The following SREK1 variants were observed in gnomAD, a reference collection of about 807,000 sequenced individuals.
The protein encoded by SREK1 is splicing regulatory glutamine/lysine-rich protein 1.
SREK1 carries 13 observed loss-of-function variants against 66.5 expected under a neutral mutation model. The observed-to-expected ratio is 0.20, with a 90% confidence interval of 0.13 to 0.31. The LOEUF is 0.31. Ranked by LOEUF, SREK1 falls within the 10% of genes least tolerant of loss-of-function variation. The pLI, the probability that SREK1 is intolerant of heterozygous loss-of-function variation, is 1.00. For missense variants in SREK1, 607 were observed against 769.6 expected, an observed-to-expected ratio of 0.79 and a Z score of 2.50; for synonymous variants, 265 against 263.5, an observed-to-expected ratio of 1.01 and a Z score of -0.05.
Position 66,170,856 on chromosome 5 carries a change from A to G in SREK1, c.1393A>G (p.Lys465Glu). ...KEKEREKDRS[K>E]EIDEKRKKDK... ...AAAGGAACGAGAAAAAGACAGATCC[A>G]AAGAGATAGATGAAAAAAGAAAGAA... The change falls in exon 9 of 12, where the codon AAA becomes GAA. Residue 465 changes from lysine to glutamate, a missense_variant. Physicochemically the swap from Lys to Glu is moderately conservative, Grantham distance 56 (BLOSUM62 1). Around this residue, in one of 5 missense-constraint regions of SREK1, gnomAD observed 318 missense variants for 310.3 expected, o/e 1.02. Transcript: ENST00000334121. 1.2e-6 allele frequency: 2 copies of G among 1,613,946 alleles called. No homozygotes were observed. The highest frequency in any genetic ancestry group is 1.7e-6 in the Non-Finnish European group (2 of 1,179,962).
At chr5:66,152,308 G>A (rs148399270) in intron 1 of SREK1, among the ~76,000 whole-genome samples, 14 of 152,248 alleles carry the variant, frequency 9.2e-5, no homozygotes, top group East Asian at 1.9e-4. Context: ...GTTATTCTAC[G>A]TTGTTTAAAG....
At position 66,179,795 on chromosome 5, in the gene SREK1, T is replaced by C. The variant is rs1366159292; in HGVS notation, c.*927T>C. On this transcript the variant is annotated 3_prime_UTR_variant, in exon 12 of 12. Transcript: ENST00000334121. ...ATGTGGTATACTGTTTTCTAGAATT[T>C]TATATGTGCTAGTCATTCTCAATTC... 2 of 152,504 alleles carry C rather than the reference T, an allele frequency of 1.3e-5. No individual in the cohort carries two copies. Among genetic ancestry groups the C allele is most frequent in the African/African-American group, 2.4e-5 (1 of 41,430 alleles). The allele number at this position is 152,504 out of a possible 1,614,324, so 9.4% of individuals were successfully genotyped here. A position where few individuals can be genotyped will look rare whatever the true frequency, so the allele number is the denominator to read the frequency against.
At chr5:66,155,656 A>G (rs879836151) in intron 2 of SREK1, among the ~76,000 whole-genome samples, 2 of 152,260 alleles carry the variant, frequency 1.3e-5, no homozygotes, top group Non-Finnish European at 2.9e-5. Flanking sequence ...GCATCATGAC[A>G]TAAGTGAGAA....
chr5:66,161,825 A>C (rs1744798037), intron 3 of SREK1, among the ~76,000 whole-genome samples: 1 of 152,228 alleles, frequency 6.6e-6, no homozygotes, highest in Non-Finnish European at 1.5e-5. Flanking sequence ...GTTCACGGAA[A>C]CTATAGAACA....
chr5:66,176,542 T>TAA, intron 10 of SREK1, among the ~76,000 whole-genome samples: 1 of 152,260 alleles, frequency 6.6e-6, no homozygotes, highest in East Asian at 1.9e-4. Flanking sequence ...GGTTTATTAA[T>TAA]AAAGATTCAT....
Position 66,170,055 on chromosome 5 carries a change from A to G in SREK1, c.1006A>G (p.Arg336Gly), listed in dbSNP as rs767710599. ...RKRSQSKHRS[R>G]SHNRSRSRQK... ...CTAACAATTTTTTTTCTTTAGGAGT[A>G]GATCCCATAATAGATCACGTTCAAG... The change falls in exon 8 of 12, where the codon AGA (arginine) becomes GGA (glycine). Residue 336 changes from arginine (R) to glycine (G), a missense_variant. By Grantham distance (125) the Arg-to-Gly change is moderately radical. Coordinates refer to ENST00000334121, the MANE Select transcript of SREK1 (RefSeq NM_001077199.3). 7 of 1,564,064 alleles carry G rather than the reference A, an allele frequency of 4.5e-6. No individual in the cohort carries two copies. The South Asian group carries it at 8.8e-5, about 20-fold the overall frequency.
chr5:66,159,038 T>C, intron 2 of SREK1, 181 bp from the exon 3 acceptor site: 2 of 1,423,676 alleles, frequency 1.4e-6, no homozygotes, highest in Non-Finnish European at 1.8e-6. Context: ...TCACTTTTAT[T>C]TTTCCTAGTA....
At chr5:66,168,063 A>G (rs1261866516) in intron 7 of SREK1, 8 of 152,058 alleles carry the variant, frequency 5.3e-5, no homozygotes, top group Admixed American at 2.0e-4. Context: ...GTGATTTCTT[A>G]TCTAGGGTCT....
At chr5:66,155,502 A>T (rs989194851) in intron 2 of SREK1, among the ~76,000 whole-genome samples, 12 of 152,244 alleles carry the variant, frequency 7.9e-5, no homozygotes, top group African/African-American at 2.9e-4. Context: ...GTACTAAAAA[A>T]GATAGCAGAG....
chr5:66,158,697 A>T, intron 2 of SREK1: 1 of 961,782 alleles, frequency 1.0e-6, no homozygotes, highest in Non-Finnish European at 1.4e-6. Flanking sequence ...ATTCGCACAT[A>T]TTTGTTTTTT....
At chr5:66,164,245 G>T in intron 6 of SREK1, 1 of 284,920 alleles carries the variant, frequency 3.5e-6, no homozygotes, top group Admixed American at 4.9e-5. Context: ...AAAACGTTAC[G>T]ACTCAGCAGG....
intron 1 of SREK1, among the ~76,000 whole-genome samples, chr5:66,145,971 A>G (rs931537996): frequency 2.0e-5 from 3 of 151,918 alleles, no homozygotes; most frequent in East Asian, 1.9e-4. Flanking sequence ...TGAGATATAT[A>G]GATGAGGTAT....
intron 2 of SREK1, 169 bp downstream of exon 2, chr5:66,153,765 T>G: frequency 1.3e-6 from 1 of 750,316 alleles, no homozygotes; most frequent in South Asian, 2.0e-5. Flanking sequence ...TTAAAATGGT[T>G]AATTTATGAC....
chr5:66,153,707 G>A (rs1167869533), intron 2 of SREK1, 111 bp downstream of exon 2: 1 of 1,395,836 alleles, frequency 7.2e-7, no homozygotes, highest in Non-Finnish European at 9.8e-7. Flanking sequence ...GTGTGTGAAA[G>A]TAAGAATGAA....
intron 3 of SREK1, among the ~76,000 whole-genome samples, chr5:66,161,020 T>C (rs1291708978): frequency 6.6e-6 from 1 of 152,218 alleles, no homozygotes; most frequent in African/African-American, 2.4e-5. Context: ...TCAAAGTTTT[T>C]TTGAAGGTTT....
chr5:66,161,510 A>G (rs1744769850), intron 3 of SREK1, among the ~76,000 whole-genome samples: 1 of 152,194 alleles, frequency 6.6e-6, no homozygotes, highest in South Asian at 2.1e-4. Context: ...AGATGGGCCC[A>G]CAAGTGTAGT....
chr5:66,170,553 A>C (rs768673368), intron 8 of SREK1, 32 bp from the exon 9 acceptor site: 2 of 1,567,730 alleles, frequency 1.3e-6, no homozygotes, highest in Non-Finnish European at 1.7e-6. Context: ...GAACTATTTT[A>C]GTTATGAATT....
In SREK1 at chr5:66,177,597, G is replaced by A; in HGVS notation, c.1664G>A (p.Arg555Lys). Residue 555 changes from arginine to lysine, a missense_variant, in exon 11 of 12, where the codon AGA (arginine) becomes AAA (lysine). Coordinates refer to ENST00000334121, the MANE Select transcript of SREK1 (RefSeq NM_001077199.3). Reference sequence around the variant, plus strand: ...GAGAGAGAACGTTCAACGTCTATGAGAAAGAGTTCTAATGATAGAGATGGG... The same window carrying A: ...GAGAGAGAACGTTCAACGTCTATGAAAAAGAGTTCTAATGATAGAGATGGG... The part of the protein sequence containing the change: ...RRERERSTSM[R>K]KSSNDRDGKE... The A allele has an allele frequency of 6.2e-7, 1 of 1,611,478 alleles. No individual in the cohort carries two copies.
Position 66,170,611 on chromosome 5 carries a change from A to G in SREK1, c.1148A>G (p.Lys383Arg), listed in dbSNP as rs1561512431. The change falls in exon 9 of 12, where the codon AAG becomes AGG. Residue 383 changes from lysine to arginine, a missense_variant. Physicochemically the swap from Lys to Arg is conservative, Grantham distance 26. This residue lies in a region of SREK1 where 318 missense variants were observed against 310.3 expected (regional missense o/e 1.02). Transcript: ENST00000334121. ...SRDKRKDTREKIKEKERVKEK... is the reference protein window; with the variant it reads ...SRDKRKDTRERIKEKERVKEK... ...GACAAGAGAAAAGACACTCGAGAAA[A>G]GATCAAGGAAAAGGAAAGAGTGAAA... The G allele has an allele frequency of 6.2e-7, 1 of 1,604,426 alleles. No individual in the cohort carries two copies. The highest frequency in any genetic ancestry group is 1.1e-5 in the South Asian group (1 of 88,232).
Sources: gnomAD v4.1 joint callset for allele counts (sites outside exome capture counted in the v4.1 genomes callset) on GRCh38, gnomAD v4.1.1 for gene constraint, gnomAD v4.1.1 regional missense constraint, MANE v1.5 for transcripts, NCBI Gene and HGNC (gene_info 2026-07-23, HGNC 2026-07-21) for gene names.